PNPLA7: variants seen among roughly 807,000 people sequenced by gnomAD.
The protein encoded by PNPLA7 is patatin like domain 7, lysophospholipase.
In PNPLA7, 153 loss-of-function variants were observed where a neutral mutation model predicts 161.7. The ratio of observed to expected loss-of-function variants is 0.95; its 90% confidence interval spans 0.83 to 1.08. PNPLA7 has a LOEUF of 1.08. Among genes scored for constraint, PNPLA7 ranks in the 50% least tolerant of loss-of-function variants. PNPLA7 has a pLI of 0.00. For synonymous variants in PNPLA7, 809 were observed against 782.1 expected (o/e 1.03, Z -0.57); for missense variants, 1,739 against 1,856.6 (o/e 0.94, Z 1.16).
rs930529389 is a variant in PNPLA7, at chr9:137,547,797, C to T, written c.31-138G>A. ...ACTTCTGGGAAGAAGTGATCTCGCC[C>T]GGGGTGCCGGGGTCCTCTGAGCCCC... On this transcript the variant is annotated intron_variant, in intron 1 of 34. Transcript: ENST00000406427. The surrounding 1 kb of genome is among the most constrained non-coding windows in gnomAD (Gnocchi z 4.6). 43 of 775,992 alleles carry T rather than the reference C, an allele frequency of 5.5e-5. No individual in the cohort carries two copies. Among genetic ancestry groups the T allele is most frequent in the Non-Finnish European group, 3.0e-5 (14 of 467,010 alleles). 48.1% of individuals were successfully genotyped at this position (775,992 alleles called of 1,614,324 possible).
At chr9:137,470,513 C>A (rs28529387) in intron 25 of PNPLA7, among the ~76,000 whole-genome samples, 1 of 151,610 alleles carries the variant, frequency 6.6e-6, no homozygotes, top group Non-Finnish European at 1.5e-5. Flanking sequence ...CCAGCCTGGG[C>A]AACAGAATGA....
chr9:137,511,735 C>T (rs529283806), intron 12 of PNPLA7, among the ~76,000 whole-genome samples: 8 of 152,316 alleles, frequency 5.3e-5, no homozygotes, highest in Non-Finnish European at 7.4e-5. Context: ...GCTCCTTGTC[C>T]GCTTTCATAT....
chr9:137,480,274 G>A, intron 23 of PNPLA7, 38 bp downstream of exon 23: 3 of 1,593,446 alleles, frequency 1.9e-6, no homozygotes, highest in African/African-American at 1.3e-5. Context: ...TCTGAAGAGA[G>A]GGCTCTCCCC....
chr9:137,484,854 G>C (rs1165880881), intron 20 of PNPLA7, 118 bp from the exon 21 acceptor site: 1 of 1,261,848 alleles, frequency 7.9e-7, no homozygotes, highest in Non-Finnish European at 1.1e-6. Context: ...GAGGCCGCCT[G>C]GCCCTCCCGC....
rs1836572499 is a variant in PNPLA7 at position 137,547,105 on chromosome 9, T to C, written c.194-196A>G. On this transcript the variant is annotated intron_variant, in intron 3 of 34. Coordinates refer to ENST00000406427, the MANE Select transcript of PNPLA7 (RefSeq NM_001098537.3). This position sits in a 1 kb window ranked among gnomAD's most constrained non-coding sequence, Gnocchi z 4.6. The stretch of plus-strand genomic sequence containing the variant: ...CTCTCCCCTCTTCCCACTGAAGCCT[T>C]GCTCAGGAGAGGAGAACAGAAAGGG... Among the ~76,000 whole-genome samples, 1 of 152,168 alleles carries C rather than the reference T, an allele frequency of 6.6e-6. No individual in the cohort carries two copies. Among genetic ancestry groups the C allele is most frequent in the South Asian group, 2.1e-4 (1 of 4,834 alleles).
chr9:137,484,083 G>A (rs563569344), intron 21 of PNPLA7, among the ~76,000 whole-genome samples: 2 of 151,104 alleles, frequency 1.3e-5, no homozygotes, highest in Admixed American at 6.6e-5. Flanking sequence ...TTACAGATGC[G>A]CACCACCACG....
At chr9:137,478,792 G>A (rs1278119130) in intron 24 of PNPLA7, 1 of 426,284 alleles carries the variant, frequency 2.3e-6, no homozygotes, top group Non-Finnish European at 4.2e-6. Context: ...CCTGATTCAG[G>A]CCCATCCCCG....
In PNPLA7 at chr9:137,537,094, G is replaced by C. The variant is rs1239096751; in HGVS notation, c.747+3548C>G. On this transcript the variant is annotated intron_variant, in intron 8 of 34. Coordinates refer to ENST00000406427, the MANE Select transcript of PNPLA7 (RefSeq NM_001098537.3). This position sits in a 1 kb window ranked among gnomAD's most constrained non-coding sequence, Gnocchi z 4.5. Reference sequence around the variant, plus strand: ...TCTAGAATGGATGGGTTAGGAAACAGCAAGAAAAGCTGCTCAGAAGGAACC... The same window carrying C: ...TCTAGAATGGATGGGTTAGGAAACACCAAGAAAAGCTGCTCAGAAGGAACC... Among the ~76,000 whole-genome samples the C allele has an allele frequency of 6.6e-6, 1 of 152,202 alleles. No homozygotes were observed. Among genetic ancestry groups the C allele is most frequent in the African/African-American group, 2.4e-5 (1 of 41,432 alleles).
chr9:137,478,826 A>T, intron 24 of PNPLA7: 1 of 548,482 alleles, frequency 1.8e-6, no homozygotes, highest in Non-Finnish European at 3.0e-6. Flanking sequence ...CCCCAGCCCG[A>T]TGGCCGCCCT....
intron 12 of PNPLA7, among the ~76,000 whole-genome samples, chr9:137,507,060 CAG>C (rs1476340975): frequency 6.6e-6 from 1 of 152,250 alleles, no homozygotes; most frequent in Non-Finnish European, 1.5e-5. Context: ...AAGCCAGACA[CAG>C]AGAGCCAGGA....
At chr9:137,493,921 G>A (rs544165986) in intron 19 of PNPLA7, among the ~76,000 whole-genome samples, 23 of 152,230 alleles carry the variant, frequency 1.5e-4, no homozygotes, top group African/African-American at 5.1e-4. Flanking sequence ...TAGGATCTGC[G>A]GGCAGGAGAA....
chr9:137,505,863 G>A, intron 13 of PNPLA7, 103 bp from the exon 14 acceptor site: 1 of 1,539,704 alleles, frequency 6.5e-7, no homozygotes, highest in Non-Finnish European at 8.9e-7. Context: ...AAGGCCGGCT[G>A]AGCCTCCTGA....
intron 19 of PNPLA7, among the ~76,000 whole-genome samples, chr9:137,494,137 A>G (rs1250504421): frequency 6.6e-6 from 1 of 152,158 alleles, no homozygotes; most frequent in Non-Finnish European, 1.5e-5. Context: ...CTAGAATGAA[A>G]AACTTCTTGG....
chr9:137,543,350 G>C lies in PNPLA7; in HGVS notation c.506+82C>G. ...GCCAACCATTCCCCCAACACAAGAC[G>C]GCCAAGCTGGAGCCAGGCCCCAGCG... On this transcript the variant is annotated intron_variant, in intron 6 of 34. Transcript: ENST00000406427. This position sits in a 1 kb window ranked among gnomAD's most constrained non-coding sequence, Gnocchi z 6.9. 6.4e-7 allele frequency: 1 copy of C among 1,566,316 alleles called. No homozygotes were observed. The highest frequency in any genetic ancestry group is 8.7e-7 in the Non-Finnish European group (1 of 1,143,388).
intron 4 of PNPLA7, among the ~76,000 whole-genome samples, chr9:137,546,012 C>T (rs575647719): frequency 2.0e-5 from 3 of 152,258 alleles, no homozygotes; most frequent in South Asian, 2.1e-4. Context: ...CAGGTTCGCC[C>T]GCAGTTATCC....
intron 11 of PNPLA7, chr9:137,516,375 G>C: frequency 1.0e-6 from 1 of 984,922 alleles, no homozygotes; most frequent in Non-Finnish European, 1.2e-6. Context: ...CCTGGACACT[G>C]TCCTTACCTA....
At chr9:137,497,862 A>G (rs1455822179) in intron 17 of PNPLA7, among the ~76,000 whole-genome samples, 1 of 152,236 alleles carries the variant, frequency 6.6e-6, no homozygotes, top group Non-Finnish European at 1.5e-5. Flanking sequence ...GTGGACTTGA[A>G]TATAATGACA....
At position 137,543,485 on chromosome 9, in the gene PNPLA7, G is replaced by A. The variant is rs139510260; in HGVS notation, c.453C>T (p.Asp151=). ...CCGATGGCAGGTGAGAATTCTTCAC[G>A]TCAAACTCCGTGAGGTCGGCCTCCA... ...SLLEADLTEF[D]VKNSHLPSEV... The change falls in exon 6 of 35, where the codon GAC becomes GAT. Residue 151 remains aspartate, a synonymous_variant. Transcript: ENST00000406427. The surrounding 1 kb of genome is among the most constrained non-coding windows in gnomAD (Gnocchi z 6.9). The A allele has an allele frequency of 3.5e-3, 5,724 of 1,614,098 alleles. 23 individuals are homozygous for A. The highest frequency in any genetic ancestry group is 4.4e-3 in the Non-Finnish European group (5,241 of 1,180,026).
chr9:137,522,167 C>T (rs977505527), intron 9 of PNPLA7, among the ~76,000 whole-genome samples: 15 of 152,328 alleles, frequency 9.8e-5, no homozygotes, highest in East Asian at 1.9e-4. Flanking sequence ...CTCCGCCTCC[C>T]GGGTTCATGC....
Sources: gnomAD v4.1 joint callset for allele counts (sites outside exome capture counted in the v4.1 genomes callset) on GRCh38, gnomAD v4.1.1 for gene constraint, Gnocchi (gnomAD v3.1) non-coding constraint, MANE v1.5 for transcripts, NCBI Gene and HGNC (gene_info 2026-07-23, HGNC 2026-07-21) for gene names.